PSMD8: variants seen among roughly 807,000 people sequenced by gnomAD.
PSMD8 encodes the protein 26S proteasome non-ATPase regulatory subunit 8.
Under a neutral mutation model 40.0 loss-of-function variants are expected in PSMD8, and 30 were observed. The observed-to-expected ratio is 0.75, with a 90% CI of 0.56 to 1.02. PSMD8 has a LOEUF of 1.02. Among genes scored for constraint, PSMD8 ranks in the 50% least tolerant of loss-of-function variants. The probability of loss-of-function intolerance (pLI) is 0.00; values close to 1 mark genes in which losing one functional copy is unlikely to be tolerated. For missense variants in PSMD8, 461 were observed against 463.9 expected (o/e 0.99, Z 0.06); for synonymous variants, 208 against 192.5 (o/e 1.08, Z -0.67).
Position 38,382,176 on chromosome 19 carries a change from C to T in PSMD8, c.863C>T (p.Thr288Ile). The T allele has an allele frequency of 6.3e-7, 1 of 1,595,598 alleles. No individual in the cohort carries two copies. Among genetic ancestry groups the T allele is most frequent in the Non-Finnish European group, 8.5e-7 (1 of 1,171,548 alleles). Reference protein sequence around the residue: ...AYEKILFTEATRILFFNTPKK... With the variant: ...AYEKILFTEAIRILFFNTPKK... ...GAGAAAATCCTTTTCACTGAGGCCA[C>T]CCGGATCCTCTTCTTCAACACACCC... Residue 288 changes from threonine (T) to isoleucine (I), a missense_variant, in exon 6 of 7, where the codon ACC (threonine) becomes ATC (isoleucine). Thr to Ile is a moderately conservative substitution (Grantham distance 89). Around this residue, in one of 2 missense-constraint regions of PSMD8, gnomAD observed 236 missense variants for 321.2 expected, o/e 0.73. Transcript: ENST00000215071.
chr19:38,381,062 C>A, intron 5 of PSMD8, 63 bp downstream of exon 5: 4 of 1,293,970 alleles, frequency 3.1e-6, no homozygotes, highest in Non-Finnish European at 4.2e-6. Context: ...CGGACAGCTC[C>A]GAGTCTGAAT....
intron 5 of PSMD8, among the ~76,000 whole-genome samples, chr19:38,381,806 T>G (rs962655099): frequency 2.0e-5 from 3 of 152,154 alleles, no homozygotes; most frequent in African/African-American, 7.2e-5. Flanking sequence ...ATGGGTGTTA[T>G]GAGAAGAGAT....
chr19:38,375,000 G>C (rs773436308), intron 1 of PSMD8, 39 bp downstream of exon 1: 1 of 1,536,566 alleles, frequency 6.5e-7, no homozygotes, highest in South Asian at 1.2e-5. Context: ...TGTTGCGGGC[G>C]TGGGAGGCGC....
intron 4 of PSMD8, among the ~76,000 whole-genome samples, 192 bp from the exon 5 acceptor site, chr19:38,380,707 A>AGTGT (rs35021765): frequency 0.039 from 4,655 of 120,846 alleles, 141 homozygotes; most frequent in Non-Finnish European, 0.06. Flanking sequence ...AGAGAGAGAG[A>AGTGT]GTGTGTGTGT....
intron 3 of PSMD8, among the ~76,000 whole-genome samples, chr19:38,378,314 TG>T (rs1171889952): frequency 6.6e-6 from 1 of 151,856 alleles, no homozygotes; most frequent in Non-Finnish European, 1.5e-5. Flanking sequence ...GAGACCATCC[TG>T]GCTAACACGG....
rs1384950484 is a variant in PSMD8 at position 38,376,348 on chromosome 19, A to G, written c.434-4A>G. The G allele has an allele frequency of 2.6e-6, 4 of 1,546,532 alleles. No individual in the cohort carries two copies. Among genetic ancestry groups the G allele is most frequent in the Admixed American group, 2.0e-5 (1 of 51,060 alleles). ...CTCCTGAGAGCTCACTCTGTCACCC[A>G]CAGGTGACATACTGGAGATCGGGGC... On this transcript the variant is annotated splice_region_variant and splice_polypyrimidine_tract_variant and intron_variant, in intron 2 of 6. Coordinates refer to ENST00000215071, the MANE Select transcript of PSMD8 (RefSeq NM_002812.5).
chr19:38,377,324 G>C (rs1039239021), intron 3 of PSMD8, among the ~76,000 whole-genome samples: 2 of 151,724 alleles, frequency 1.3e-5, no homozygotes, highest in African/African-American at 4.8e-5. Context: ...AAGTAGCTAG[G>C]GCTACAGGTG....
rs1381686420 is a variant in PSMD8 at position 38,376,390 on chromosome 19, C to T, written c.472C>T (p.Arg158Cys). The change falls in exon 3 of 7, where the codon CGC becomes TGC. Residue 158 changes from arginine to cysteine, a missense_variant. By Grantham distance (180) the Arg-to-Cys change is radical (BLOSUM62 -3). Around this residue, in one of 2 missense-constraint regions of PSMD8, gnomAD observed 236 missense variants for 321.2 expected, o/e 0.73. Coordinates refer to ENST00000215071, the MANE Select transcript of PSMD8 (RefSeq NM_002812.5). ...LEIGAQWSIL[R>C]KDIPSFERYM... ...GATCGGGGCCCAATGGAGCATCCTA[C>T]GCAAGGACATCCCCTCCTTCGAGCG... 8 of 1,552,652 alleles carry T rather than the reference C, an allele frequency of 5.2e-6. No individual in the cohort carries two copies. The highest frequency in any genetic ancestry group is 2.4e-5 in the South Asian group (2 of 84,122).
Position 38,375,454 on chromosome 19 carries a change from A to T in PSMD8, c.360+493A>T, listed in dbSNP as rs561803362. On this transcript the variant is annotated intron_variant, in intron 1 of 6. Transcript: ENST00000215071. Reference sequence around the variant, plus strand: ...CTTTTCCTGATGGTGGATTCCAGGCAAGACCAAGTGGGAAGTGAGGACTGC... The same window carrying T: ...CTTTTCCTGATGGTGGATTCCAGGCTAGACCAAGTGGGAAGTGAGGACTGC... The T allele has an allele frequency of 6.8e-5, 13 of 189,800 alleles. No homozygotes were observed. In the South Asian group the frequency reaches 1.0e-3, roughly 15 times the overall value. 11.8% of individuals were successfully genotyped at this position (189,800 alleles called of 1,614,324 possible).
In PSMD8 at chr19:38,380,009, C is replaced by T. The variant is rs58247981; in HGVS notation, c.702+604C>T. ...CATATTTTTTAAAGAAAAGGGTGGC[C>T]GTGCACAGTGGCTCACGCCTGTAAT... is the stretch of plus-strand genomic sequence containing the variant. On this transcript the variant is annotated intron_variant, in intron 4 of 6. Transcript: ENST00000215071. Among the ~76,000 whole-genome samples the T allele has an allele frequency of 8.7e-3, 1,319 of 152,228 alleles. 21 individuals are homozygous for T. Among genetic ancestry groups the T allele is most frequent in the African/African-American group, 0.03 (1,231 of 41,542 alleles).
At chr19:38,376,267 CT>C (rs1970597031) in intron 2 of PSMD8, 35 bp downstream of exon 2, 1 of 1,561,772 alleles carries the variant, frequency 6.4e-7, no homozygotes, top group Admixed American at 1.8e-5. Context: ...GGGTGATAAT[CT>C]GGGGGTCATG....
chr19:38,383,118 T>A lies in PSMD8; in HGVS notation c.916-135T>A, dbSNP rs1193913787. 7.0e-6 allele frequency: 8 copies of A among 1,138,540 alleles called. No homozygotes were observed. The East Asian group carries it at 2.1e-4, about 29-fold the overall frequency. 70.5% of individuals were successfully genotyped at this position (1,138,540 alleles called of 1,614,324 possible). On this transcript the variant is annotated intron_variant, in intron 6 of 6. Transcript: ENST00000215071. The stretch of plus-strand genomic sequence containing the variant: ...TGAGGCACAGAGAGGTGAAGTTACT[T>A]GTCAAGGGTCGTTGGGCAGAGTACG...
rs1970661560 is a variant in PSMD8 at position 38,383,494 on chromosome 19, T to C, written c.*104T>C. The C allele has an allele frequency of 1.4e-5, 20 of 1,472,936 alleles. No homozygotes were observed. The South Asian group carries it at 2.4e-4, about 18-fold the overall frequency. 91.2% of individuals were successfully genotyped at this position (1,472,936 alleles called of 1,614,324 possible). On this transcript the variant is annotated 3_prime_UTR_variant, in exon 7 of 7. Transcript: ENST00000215071. ...ACTGACATTCCCTCTTCCAGGCCCT[T>C]GTCTCCCCAGTTGGGACGGCAGAGA...
Position 38,383,648 on chromosome 19 carries a change from G to A in PSMD8, c.*258G>A, listed in dbSNP as rs1970662841. On this transcript the variant is annotated 3_prime_UTR_variant, in exon 7 of 7. Coordinates refer to ENST00000215071, the MANE Select transcript of PSMD8 (RefSeq NM_002812.5). Reference sequence around the variant, plus strand: ...CTCAAACATGGACGCCCACTGTGGGGCCCCAGCAGCACTGTGGCCTGCAGG... The same window carrying A: ...CTCAAACATGGACGCCCACTGTGGGACCCCAGCAGCACTGTGGCCTGCAGG... 1 of 518,810 alleles carries A rather than the reference G, an allele frequency of 1.9e-6. No homozygotes were observed. Among genetic ancestry groups the A allele is most frequent in the South Asian group, 2.1e-5 (1 of 46,568 alleles). The allele number at this position is 518,810 out of a possible 1,614,324, so 32.1% of individuals were successfully genotyped here. A position where few individuals can be genotyped will look rare whatever the true frequency, so the allele number is the denominator to read the frequency against.
intron 6 of PSMD8, among the ~76,000 whole-genome samples, 181 bp from the exon 7 acceptor site, chr19:38,383,072 C>T (rs566158952): frequency 2.0e-5 from 3 of 152,160 alleles, no homozygotes; most frequent in Admixed American, 6.6e-5. Flanking sequence ...AATTAGGGTC[C>T]CAGTCTCAAC....
chr19:38,382,328 G>C (rs1417056835), intron 6 of PSMD8, 100 bp downstream of exon 6: 10 of 940,870 alleles, frequency 1.1e-5, no homozygotes, highest in Non-Finnish European at 1.7e-5. Flanking sequence ...GACTGCCCAG[G>C]TTTAAGTTCA....
intron 4 of PSMD8, among the ~76,000 whole-genome samples, chr19:38,380,275 A>AAAAAG (rs1194183056): frequency 2.6e-5 from 4 of 152,210 alleles, no homozygotes; most frequent in Non-Finnish European, 4.4e-5. Context: ...AACAGGCTCA[A>AAAAAG]AAAAGAAAAG....
At chr19:38,380,715 T>TGG (rs1970633062) in intron 4 of PSMD8, among the ~76,000 whole-genome samples, 184 bp from the exon 5 acceptor site, 1 of 123,228 alleles carries the variant, frequency 8.1e-6, no homozygotes, top group Non-Finnish European at 1.8e-5. Context: ...AGAGTGTGTG[T>TGG]GTGTGTGTGT....
Position 38,380,930 on chromosome 19 carries a change from TC to T in PSMD8, c.736del (p.Leu246TrpfsTer54). 1 of 1,582,124 alleles carries T rather than the reference TC, an allele frequency of 6.3e-7. No homozygotes were observed. The highest frequency in any genetic ancestry group is 8.6e-7 in the Non-Finnish European group (1 of 1,162,326). The part of the protein sequence containing the change: ...YLMEGSYNKV[F>X]LAKGNIPAES... ...ATGGAGGGCAGCTACAACAAAGTGT[TC>T]CTGGCCAAGGGTAACATCCCCGCCG... On this transcript the variant is annotated frameshift_variant, in exon 5 of 7. Transcript: ENST00000215071. LOFTEE classifies it high-confidence loss of function.
Sources: allele counts gnomAD v4.1 joint callset (sites outside exome capture counted in the v4.1 genomes callset), GRCh38; gene constraint gnomAD v4.1.1; regional missense constraint gnomAD v4.1.1; transcripts MANE v1.5; gene names NCBI Gene and HGNC (gene_info 2026-07-23, HGNC 2026-07-21).